The following CCDC175 variants were observed in gnomAD, a reference collection of about 807,000 sequenced individuals.
The protein encoded by CCDC175 is coiled-coil domain-containing protein 175.
A neutral mutation model predicts 114.6 loss-of-function variants in CCDC175; 100 were observed. That is an observed-to-expected ratio of 0.87 (90% CI 0.74 to 1.03). CCDC175 has a LOEUF of 1.03. Among genes scored for constraint, CCDC175 ranks in the 50% least tolerant of loss-of-function variants. CCDC175 has a pLI of 0.00. For synonymous variants in CCDC175, 306 were observed against 308.7 expected, an observed-to-expected ratio of 0.99 and a Z score of 0.09; for missense variants, 880 against 917.8, an observed-to-expected ratio of 0.96 and a Z score of 0.53.
chr14:59,575,116 G>A (rs1017112800), intron 1 of CCDC175, 88 bp from the exon 2 acceptor site: 5 of 647,506 alleles, frequency 7.7e-6, no homozygotes, highest in Admixed American at 6.3e-5. Context: ...ATGCTTACTC[G>A]GCTGGAAGTT....
Position 59,576,782 on chromosome 14 carries a change from G to A in CCDC175, c.-7C>T. 7.0e-7 allele frequency: 1 copy of A among 1,432,664 alleles called. No individual in the cohort carries two copies. Among genetic ancestry groups the A allele is most frequent in the Non-Finnish European group, 9.1e-7 (1 of 1,104,502 alleles). The allele number at this position is 1,432,664 out of a possible 1,614,324, so 88.7% of individuals were successfully genotyped here. A position where few individuals can be genotyped will look rare whatever the true frequency, so the allele number is the denominator to read the frequency against. The stretch of plus-strand genomic sequence containing the variant: ...TCCAGGGGCTCAGGGCCATTTTGCC[G>A]CTCTACTTGAGCGCCTCCTAAGCCA... On this transcript the variant is annotated 5_prime_UTR_variant, in exon 1 of 20. Transcript: ENST00000537690.
At chr14:59,576,148 C>T (rs1244848514) in intron 1 of CCDC175, among the ~76,000 whole-genome samples, 1 of 152,192 alleles carries the variant, frequency 6.6e-6, no homozygotes, top group Non-Finnish European at 1.5e-5. Flanking sequence ...CTAAACAACC[C>T]TTTACATCTA....
At chr14:59,530,463 G>A (rs1220080554) in intron 14 of CCDC175, among the ~76,000 whole-genome samples, 1 of 147,354 alleles carries the variant, frequency 6.8e-6, no homozygotes. Context: ...GGAGAGGAGG[G>A]GAGGGGAGGG....
intron 4 of CCDC175, among the ~76,000 whole-genome samples, chr14:59,567,897 C>T (rs1315746766): frequency 2.0e-5 from 3 of 152,178 alleles, no homozygotes; most frequent in African/African-American, 7.2e-5. Context: ...GGTTTGTAAA[C>T]TTAATTCTAC....
At chr14:59,550,153 C>T (rs1895379196) in intron 8 of CCDC175, among the ~76,000 whole-genome samples, 1 of 152,156 alleles carries the variant, frequency 6.6e-6, no homozygotes, top group Admixed American at 6.5e-5. Context: ...AGGTGATCCA[C>T]TCACCTAGGC....
chr14:59,518,152 C>T (rs1225439843), intron 17 of CCDC175, among the ~76,000 whole-genome samples: 2 of 152,174 alleles, frequency 1.3e-5, no homozygotes, highest in East Asian at 1.9e-4. Flanking sequence ...CTTCCTTACA[C>T]CTTATACAAA....
Position 59,525,389 on chromosome 14 carries a change from T to C in CCDC175, c.1888A>G (p.Lys630Glu), listed in dbSNP as rs1274627711. The C allele has an allele frequency of 2.6e-6, 4 of 1,521,836 alleles. No individual in the cohort carries two copies. Among genetic ancestry groups the C allele is most frequent in the Admixed American group, 4.3e-5 (2 of 45,996 alleles). 94.3% of individuals were successfully genotyped at this position (1,521,836 alleles called of 1,614,324 possible). ...GTTTCAAAATGATCTTTGTTTTTTT[T>C]GCTTTCTTGATCTCGTAATTGTTGT... The part of the protein sequence containing the change: ...ELQQLRDQES[K>E]KNKDHFETLK... Residue 630 changes from lysine to glutamate, a missense_variant, in exon 16 of 20, where the codon AAA becomes GAA. Transcript: ENST00000537690.
intron 7 of CCDC175, among the ~76,000 whole-genome samples, chr14:59,551,652 A>C (rs1309531937): frequency 6.6e-6 from 1 of 152,148 alleles, no homozygotes; most frequent in African/African-American, 2.4e-5. Context: ...ACTGAGCGAG[A>C]GCTGAAGCAG....
At chr14:59,533,262 G>A (rs1894175271) in intron 13 of CCDC175, among the ~76,000 whole-genome samples, 1 of 152,194 alleles carries the variant, frequency 6.6e-6, no homozygotes, top group Non-Finnish European at 1.5e-5. Flanking sequence ...GAAGCCCAAT[G>A]CCACAGTTTC....
At chr14:59,530,983 T>C (rs964295341) in intron 14 of CCDC175, among the ~76,000 whole-genome samples, 4 of 151,974 alleles carry the variant, frequency 2.6e-5, no homozygotes, top group African/African-American at 7.3e-5. Flanking sequence ...CCAAATGCAA[T>C]ACAAGACTCA....
intron 8 of CCDC175, among the ~76,000 whole-genome samples, chr14:59,549,205 C>T (rs1217746797): frequency 1.3e-5 from 2 of 152,136 alleles, no homozygotes; most frequent in African/African-American, 2.4e-5. Context: ...GACCCAAGTC[C>T]TGAACAATTA....
intron 4 of CCDC175, among the ~76,000 whole-genome samples, chr14:59,567,081 A>T (rs8017921): frequency 0.99 from 150,063 of 152,338 alleles, 73,948 homozygotes; most frequent in East Asian, 1. Context: ...AGCTCAAGTT[A>T]GAGAATCACT....
chr14:59,513,716 C>T (rs1011995807), intron 17 of CCDC175, among the ~76,000 whole-genome samples: 6 of 152,190 alleles, frequency 3.9e-5, no homozygotes, highest in Non-Finnish European at 8.8e-5. Flanking sequence ...GGCCTGCCTG[C>T]CTCTGTAGAC....
intron 15 of CCDC175, 46 bp downstream of exon 15, chr14:59,527,049 T>C: frequency 1.9e-6 from 2 of 1,051,392 alleles, no homozygotes; most frequent in Non-Finnish European, 2.7e-6. Context: ...TATATACCAC[T>C]ATTCTAATAA....
chr14:59,515,903 C>A (rs1163110034), intron 17 of CCDC175, among the ~76,000 whole-genome samples: 1 of 152,172 alleles, frequency 6.6e-6, no homozygotes, highest in Non-Finnish European at 1.5e-5. Context: ...CCAAAATTGA[C>A]CACATAGTTG....
chr14:59,513,850 G>C (rs1892894450), intron 17 of CCDC175, among the ~76,000 whole-genome samples: 1 of 152,196 alleles, frequency 6.6e-6, no homozygotes, highest in African/African-American at 2.4e-5. Context: ...GGAGATCTGA[G>C]AATGGACAGA....
chr14:59,534,775 A>G (rs1209167078), intron 13 of CCDC175, among the ~76,000 whole-genome samples: 1 of 152,172 alleles, frequency 6.6e-6, no homozygotes, highest in African/African-American at 2.4e-5. Context: ...AGTCAGGCCT[A>G]TGGAAAAGTC....
chr14:59,511,667 C>G (rs1892758909), intron 18 of CCDC175, 93 bp downstream of exon 18: 1 of 1,054,210 alleles, frequency 9.5e-7, no homozygotes, highest in African/African-American at 1.6e-5. Flanking sequence ...TGCAGGTGCA[C>G]ACAGACACAA....
At chr14:59,536,213 G>A (rs948779937) in intron 13 of CCDC175, among the ~76,000 whole-genome samples, 4 of 151,964 alleles carry the variant, frequency 2.6e-5, no homozygotes, top group African/African-American at 9.7e-5. Flanking sequence ...CCTTAGATAG[G>A]AGGGTCCTGC....
Sources: gnomAD v4.1 joint callset for allele counts (sites outside exome capture counted in the v4.1 genomes callset) on GRCh38, gnomAD v4.1.1 for gene constraint, MANE v1.5 for transcripts, NCBI Gene and HGNC (gene_info 2026-07-23, HGNC 2026-07-21) for gene names.